The following NPLOC4 variants were observed in gnomAD, a reference collection of about 807,000 sequenced individuals.
NPLOC4 encodes the protein NPL4 homolog, ubiquitin recognition factor.
A neutral mutation model predicts 80.6 loss-of-function variants in NPLOC4; 18 were observed. The observed-to-expected ratio is 0.22, with a 90% CI of 0.15 to 0.33. The LOEUF is 0.33. NPLOC4 is among the 10% of genes least tolerant of loss of function. NPLOC4 has a pLI of 1.00. For missense variants in NPLOC4, 540 were observed against 786.1 expected, an observed-to-expected ratio of 0.69 and a Z score of 3.74; for synonymous variants, 313 against 301.5, an observed-to-expected ratio of 1.04 and a Z score of -0.39.
intron 8 of NPLOC4, among the ~76,000 whole-genome samples, chr17:81,601,677 G>A (rs1052074247): frequency 6.6e-6 from 1 of 152,158 alleles, no homozygotes; most frequent in African/African-American, 2.4e-5. Context: ...TGACCTAAGG[G>A]TTGAGACTTC....
chr17:81,573,409 A>C (rs528833240), intron 12 of NPLOC4: 1 of 152,286 alleles, frequency 6.6e-6, no homozygotes, highest in South Asian at 2.1e-4. Context: ...TCCCAAGTCA[A>C]ACCAAGTCCA....
Position 81,606,626 on chromosome 17 carries a change from G to A in NPLOC4, c.654+65C>T, listed in dbSNP as rs2035210672. The A allele has an allele frequency of 5.1e-6, 8 of 1,556,760 alleles. No individual in the cohort carries two copies. In the African/African-American group the frequency reaches 6.8e-5, roughly 13 times the overall value. ...TGCTAATAGCATTCCACTCCAAGGG[G>A]CTCTTCTGGAAATATCCGTTTCTCA... On this transcript the variant is annotated intron_variant, in intron 7 of 16. Transcript: ENST00000331134.
At chr17:81,616,172 T>G (rs7503824) in intron 3 of NPLOC4, among the ~76,000 whole-genome samples, 10,647 of 149,626 alleles carry the variant, frequency 0.071, 511 homozygotes, top group Middle Eastern at 0.18. Context: ...AAAAAAAAAA[T>G]TAGCCGGGGG....
intron 4 of NPLOC4, among the ~76,000 whole-genome samples, chr17:81,611,074 C>T (rs1193130475): frequency 6.6e-6 from 1 of 152,098 alleles, no homozygotes; most frequent in Non-Finnish European, 1.5e-5. Flanking sequence ...AATCCCAACA[C>T]TTTGGGAGGC....
intron 16 of NPLOC4, chr17:81,563,941 T>G (rs62073395): frequency 0.22 from 99,641 of 454,052 alleles, 11,894 homozygotes; most frequent in Admixed American, 0.33. Flanking sequence ...CAACGCCAGG[T>G]GTGGTGGTAC....
At chr17:81,573,180 ATCAT>A (rs753470415) in intron 12 of NPLOC4, among the ~76,000 whole-genome samples, 8 of 152,236 alleles carry the variant, frequency 5.3e-5, no homozygotes, top group Non-Finnish European at 1.2e-4. Context: ...CATTATATAA[ATCAT>A]TCATTAAGTC....
At chr17:81,622,036 T>C in intron 3 of NPLOC4, 130 bp downstream of exon 3, 1 of 678,638 alleles carries the variant, frequency 1.5e-6, no homozygotes, top group East Asian at 2.6e-5. Context: ...CGGTCATGTG[T>C]ATTCTGGTCA....
intron 7 of NPLOC4, among the ~76,000 whole-genome samples, chr17:81,604,975 T>C (rs540112755): frequency 8.5e-5 from 13 of 152,048 alleles, no homozygotes; most frequent in African/African-American, 2.7e-4. Context: ...AAAATAAACA[T>C]CTGGGCTGGG....
intron 1 of NPLOC4, among the ~76,000 whole-genome samples, chr17:81,630,593 T>C (rs183892216): frequency 2.0e-5 from 3 of 152,236 alleles, no homozygotes; most frequent in Admixed American, 2.0e-4. Flanking sequence ...AAAAAACGTT[T>C]AAAAATGGCC....
chr17:81,572,624 G>A lies in NPLOC4; in HGVS notation c.1282-536C>T, dbSNP rs1302445442. Among the ~76,000 whole-genome samples the A allele has an allele frequency of 6.6e-6, 1 of 152,164 alleles. No individual in the cohort carries two copies. The highest frequency in any genetic ancestry group is 1.5e-5 in the Non-Finnish European group (1 of 68,026). ...ATAACCACAGCCTGAAAAAGCAGTC[G>A]TGCTCTCGGGCACTGGGACTCCCCA... On this transcript the variant is annotated intron_variant, in intron 12 of 16. Transcript: ENST00000331134. This position sits in a 1 kb window ranked among gnomAD's most constrained non-coding sequence, Gnocchi z 4.5.
chr17:81,597,391 C>A, intron 9 of NPLOC4, 75 bp from the exon 10 acceptor site: 3 of 1,165,916 alleles, frequency 2.6e-6, no homozygotes, highest in Non-Finnish European at 3.9e-6. Context: ...TGACTCACGC[C>A]TATAATCACA....
At chr17:81,589,988 A>C (rs942771273) in intron 11 of NPLOC4, among the ~76,000 whole-genome samples, 1 of 152,198 alleles carries the variant, frequency 6.6e-6, no homozygotes, top group African/African-American at 2.4e-5. Flanking sequence ...GGCTCACGGT[A>C]AGGATGGGAG....
chr17:81,603,283 TTTTTC>T (rs1422431803), intron 8 of NPLOC4, among the ~76,000 whole-genome samples: 4 of 152,212 alleles, frequency 2.6e-5, no homozygotes, highest in Non-Finnish European at 5.9e-5. Context: ...GTGCACTTTT[TTTTTC>T]TTTTCTAACT....
At chr17:81,605,642 T>C (rs529084167) in intron 7 of NPLOC4, among the ~76,000 whole-genome samples, 106 of 146,902 alleles carry the variant, frequency 7.2e-4, no homozygotes, top group African/African-American at 2.6e-3. Context: ...AGTGAGACTC[T>C]GTCTCAAAAA....
chr17:81,607,911 T>C (rs2035247622), intron 6 of NPLOC4, among the ~76,000 whole-genome samples: 1 of 152,254 alleles, frequency 6.6e-6, no homozygotes. Context: ...TGACTTCAGT[T>C]CAGCCACCAT....
intron 11 of NPLOC4, among the ~76,000 whole-genome samples, chr17:81,590,959 G>C (rs1481164901): frequency 2.0e-5 from 3 of 152,164 alleles, no homozygotes; most frequent in South Asian, 2.1e-4. Flanking sequence ...AAATGCTCAG[G>C]AGGCAGCCAA....
At chr17:81,606,846 A>G (rs1233438980) in intron 6 of NPLOC4, 32 bp from the exon 7 acceptor site, 65 of 1,519,076 alleles carry the variant, frequency 4.3e-5, no homozygotes, top group Non-Finnish European at 5.8e-5. Flanking sequence ...TAAACATCAC[A>G]TTGGTGAAAA....
chr17:81,615,850 A>G (rs543406881), intron 3 of NPLOC4, among the ~76,000 whole-genome samples: 2 of 152,244 alleles, frequency 1.3e-5, no homozygotes, highest in East Asian at 3.9e-4. Flanking sequence ...AAAACCAACA[A>G]AGTCACCTCT....
intron 16 of NPLOC4, chr17:81,565,057 G>A (rs1317270608): frequency 5.8e-6 from 3 of 516,714 alleles, no homozygotes; most frequent in Non-Finnish European, 6.8e-6. Context: ...AATGCCTGCG[G>A]TCCGTTCCGT....
Sources: allele counts gnomAD v4.1 joint callset (sites outside exome capture counted in the v4.1 genomes callset), GRCh38; gene constraint gnomAD v4.1.1; non-coding constraint Gnocchi (gnomAD v3.1); transcripts MANE v1.5; gene names NCBI Gene and HGNC (gene_info 2026-07-23, HGNC 2026-07-21).